SRMS: variants seen among roughly 807,000 people sequenced by gnomAD.
SRMS encodes tyrosine-protein kinase Srms.
In SRMS, 42 loss-of-function variants were observed where a neutral mutation model predicts 43.5. That is an observed-to-expected ratio of 0.97 (90% confidence interval 0.75 to 1.25). SRMS has a LOEUF of 1.25. SRMS is among the 50% of genes most tolerant of loss of function. The pLI is 0.00. For missense variants in SRMS, 703 were observed against 681.0 expected (o/e 1.03, Z -0.36); for synonymous variants, 316 against 308.2 (o/e 1.03, Z -0.27).
chr20:63,542,630 C>A, intron 3 of SRMS, 49 bp from the exon 4 acceptor site: 1 of 1,546,046 alleles, frequency 6.5e-7, no homozygotes, highest in South Asian at 1.3e-5. Context: ...CCCCTGTGCT[C>A]TGTCCCAGGC....
At chr20:63,541,406 C>A (rs752869162) in intron 6 of SRMS, 33 bp downstream of exon 6, 112 of 1,570,590 alleles carry the variant, frequency 7.1e-5, no homozygotes, top group South Asian at 1.0e-4. Flanking sequence ...TCACCCACCC[C>A]CTCTGGGTCA....
chr20:63,545,737 T>A (rs1474092677), intron 1 of SRMS, among the ~76,000 whole-genome samples: 1 of 152,080 alleles, frequency 6.6e-6, no homozygotes, highest in Non-Finnish European at 1.5e-5. Flanking sequence ...AGGCACTGAC[T>A]CCATGGACGC....
At chr20:63,542,126 C>T (rs199510567) in intron 5 of SRMS, 37 bp downstream of exon 5, 16 of 1,581,618 alleles carry the variant, frequency 1.0e-5, no homozygotes, top group East Asian at 4.5e-5. Context: ...CGGTCGCAGG[C>T]GCGTCAGGGC....
Position 63,541,487 on chromosome 20 carries a change from G to T in SRMS, c.1080C>A (p.Asp360Glu). The change falls in exon 6 of 8, where the codon GAC becomes GAA. Residue 360 changes from aspartate (D) to glutamate (E), a missense_variant. Asp to Glu is a conservative substitution (Grantham distance 45). Coordinates refer to ENST00000217188, the MANE Select transcript of SRMS (RefSeq NM_080823.4). ...AGTCAGCCACCTTGCAGGCCAGGCC[G>T]TCGTCCACGAGCACGTTCCGGGCGG... is the stretch of plus-strand genomic sequence containing the variant. ...DLAARNVLVD[D>E]GLACKVADFG... is the part of the protein sequence containing the mutation. 1.2e-6 allele frequency: 2 copies of T among 1,608,376 alleles called. No individual in the cohort carries two copies. Among genetic ancestry groups the T allele is most frequent in the Admixed American group, 1.7e-5 (1 of 59,840 alleles).
intron 2 of SRMS, chr20:63,543,721 A>G (rs866888234): frequency 2.5e-5 from 13 of 514,550 alleles, no homozygotes; most frequent in Middle Eastern, 5.0e-4. Flanking sequence ...GGCACTTAAT[A>G]AATACTTGTA....
At chr20:63,543,542 C>A (rs1203470312) in intron 2 of SRMS, 62 bp from the exon 3 acceptor site, 2 of 1,572,886 alleles carry the variant, frequency 1.3e-6, no homozygotes, top group Non-Finnish European at 1.7e-6. Context: ...ACCCTCCCAC[C>A]CCAGAGGATG....
At chr20:63,543,713 C>T in intron 2 of SRMS, 3 of 530,848 alleles carry the variant, frequency 5.7e-6, no homozygotes, top group Non-Finnish European at 1.0e-5. Flanking sequence ...ACAGAGTAGG[C>T]ACTTAATAAA....
chr20:63,545,358 G>A (rs2082725769), intron 1 of SRMS, among the ~76,000 whole-genome samples: 1 of 152,218 alleles, frequency 6.6e-6, no homozygotes, highest in Non-Finnish European at 1.5e-5. Context: ...CTGGGACCCG[G>A]AGAGGGATGC....
intron 3 of SRMS, 47 bp downstream of exon 3, chr20:63,543,267 C>T (rs765613626): frequency 2.7e-5 from 43 of 1,599,272 alleles, no homozygotes; most frequent in African/African-American, 1.3e-5. Context: ...TAGAACAGGG[C>T]CATGCCTCGG....
rs547175516 is a variant in SRMS, at chr20:63,538,631, G to A, written c.*2187C>T. 6.6e-6 allele frequency among the ~76,000 whole-genome samples: 1 copy of A among 152,014 alleles called. No individual in the cohort carries two copies. The highest frequency in any genetic ancestry group is 1.5e-5 in the Non-Finnish European group (1 of 67,946). Reference sequence around the variant, plus strand: ...CCCAGCTCAGCGCTGACCAAGGTGGGGAGGGGCAGCGGGGTGCCGGCCTGG... The same window carrying A: ...CCCAGCTCAGCGCTGACCAAGGTGGAGAGGGGCAGCGGGGTGCCGGCCTGG... On this transcript the variant is annotated 3_prime_UTR_variant, in exon 8 of 8. Coordinates refer to ENST00000217188, the MANE Select transcript of SRMS (RefSeq NM_080823.4).
chr20:63,547,598 C>T lies in SRMS; in HGVS notation c.-135G>A, dbSNP rs1436646445. ...GGGGTGACAGGGGACCCCGGCCCTG[C>T]GGTCACTCAGAGGTCCCCTGGATCC... On this transcript the variant is annotated 5_prime_UTR_variant, in exon 1 of 8. Transcript: ENST00000217188. The T allele has an allele frequency of 6.0e-5, 49 of 810,362 alleles. No homozygotes were observed. The highest frequency in any genetic ancestry group is 5.5e-4 in the South Asian group (27 of 49,168). 50.2% of individuals were successfully genotyped at this position (810,362 alleles called of 1,614,324 possible).
chr20:63,547,389 C>T lies in SRMS; in HGVS notation c.75G>A (p.Glu25=), dbSNP rs1167322235. The part of the protein sequence containing the change: ...FWDKIWPAGG[E]PDHGTPGSLD... ...GGGACCCGGGGGTGCCATGGTCCGG[C>T]TCGCCGCCCGCCGGCCAGATCTTGT... The change falls in exon 1 of 8, where the codon GAG becomes GAA. Residue 25 remains glutamate (E), a synonymous_variant. Coordinates refer to ENST00000217188, the MANE Select transcript of SRMS (RefSeq NM_080823.4). 1 of 1,559,826 alleles carries T rather than the reference C, an allele frequency of 6.4e-7. No homozygotes were observed. Among genetic ancestry groups the T allele is most frequent in the East Asian group, 2.4e-5 (1 of 41,168 alleles).
rs983405527 is a variant in SRMS, at chr20:63,538,697, T to C, written c.*2121A>G. 1.3e-4 allele frequency among the ~76,000 whole-genome samples: 6 copies of C among 47,052 alleles called. No individual in the cohort carries two copies. In the Admixed American group the frequency reaches 1.5e-3, roughly 12 times the overall value. The allele number at this position is 47,052 out of a possible 152,430, so 30.9% of individuals were successfully genotyped here. A position where few individuals can be genotyped will look rare whatever the true frequency, so the allele number is the denominator to read the frequency against. ...CCCTCCCAGCTCTGTCTGGGGTCGGTTGGGGAGGATGCAGGGGGAGGGGTG... is the reference window on the plus strand; with the variant it reads ...CCCTCCCAGCTCTGTCTGGGGTCGGCTGGGGAGGATGCAGGGGGAGGGGTG... On this transcript the variant is annotated 3_prime_UTR_variant, in exon 8 of 8. Coordinates refer to ENST00000217188, the MANE Select transcript of SRMS (RefSeq NM_080823.4).
rs2082695635 is a variant in SRMS at position 63,540,247 on chromosome 20, A to T, written c.*571T>A. 6.6e-6 allele frequency among the ~76,000 whole-genome samples: 1 copy of T among 152,138 alleles called. No individual in the cohort carries two copies. The highest frequency in any genetic ancestry group is 2.1e-4 in the South Asian group (1 of 4,824). ...TGACGGTGCCACCCCGTGCCTACAT[A>T]CCACACATCCAGTGGGGTCAACACC... On this transcript the variant is annotated 3_prime_UTR_variant, in exon 8 of 8. Transcript: ENST00000217188.
chr20:63,542,574 G>C lies in SRMS; in HGVS notation c.653C>G (p.Pro218Arg). The change falls in exon 4 of 8, where the codon CCG (proline) becomes CGG (arginine). Residue 218 changes from proline to arginine, a missense_variant. Coordinates refer to ENST00000217188, the MANE Select transcript of SRMS (RefSeq NM_080823.4). ...LLQPCMPQKA[P>R]RQDVWERPHS... ...TGGCCGCTCCCACACGTCCTGCCTC[G>C]GGGCCTTCTGCAGGGAGGGTGGGCA... The C allele has an allele frequency of 6.2e-7, 1 of 1,609,668 alleles. No homozygotes were observed. The highest frequency in any genetic ancestry group is 8.5e-7 in the Non-Finnish European group (1 of 1,178,280).
chr20:63,542,691 C>G, intron 3 of SRMS, 110 bp from the exon 4 acceptor site: 1 of 1,329,716 alleles, frequency 7.5e-7, no homozygotes, highest in Non-Finnish European at 1.0e-6. Flanking sequence ...CCAGCACACA[C>G]TCACCCCACC....
chr20:63,540,725 C>G lies in SRMS; in HGVS notation c.*93G>C. The G allele has an allele frequency of 6.8e-7, 1 of 1,461,326 alleles. No homozygotes were observed. Among genetic ancestry groups the G allele is most frequent in the Non-Finnish European group, 9.1e-7 (1 of 1,098,374 alleles). The allele number at this position is 1,461,326 out of a possible 1,614,324, so 90.5% of individuals were successfully genotyped here. On this transcript the variant is annotated 3_prime_UTR_variant, in exon 8 of 8. Transcript: ENST00000217188. ...CTGAGGCCCACAGCCAGAGGCTCCT[C>G]GGTCCGGCAGACCGGCATCCCTTCG...
At position 63,538,914 on chromosome 20, in the gene SRMS, G is replaced by A. The variant is rs2082687747; in HGVS notation, c.*1904C>T. Among the ~76,000 whole-genome samples, 1 of 152,090 alleles carries A rather than the reference G, an allele frequency of 6.6e-6. No individual in the cohort carries two copies. Among genetic ancestry groups the A allele is most frequent in the Non-Finnish European group, 1.5e-5 (1 of 67,984 alleles). The stretch of plus-strand genomic sequence containing the variant: ...TCCCCAGCCCCTCCCAGATACCCAG[G>A]AGCACCAAACCTGTTCAGCTGGTGG... On this transcript the variant is annotated 3_prime_UTR_variant, in exon 8 of 8. Transcript: ENST00000217188.
In SRMS at chr20:63,546,774, G is replaced by A. The variant is rs944012900; in HGVS notation, c.356+334C>T. Among the ~76,000 whole-genome samples the A allele has an allele frequency of 5.3e-5, 8 of 152,308 alleles. No homozygotes were observed. The South Asian group carries it at 1.2e-3, about 24-fold the overall frequency. On this transcript the variant is annotated intron_variant, in intron 1 of 7. Transcript: ENST00000217188. ...CCGATCCATGAACACTGGACTCCCT[G>A]TGTGAGGGCGGGAGGGCCTGGCCAG...
Sources: gnomAD v4.1 joint callset for allele counts (sites outside exome capture counted in the v4.1 genomes callset) on GRCh38, gnomAD v4.1.1 for gene constraint, MANE v1.5 for transcripts, NCBI Gene and HGNC (gene_info 2026-07-23, HGNC 2026-07-21) for gene names.